Variants in KLRG1 observed in about 807,000 individuals in gnomAD.
KLRG1 encodes killer cell lectin like receptor G1, also known as killer cell lectin-like receptor subfamily G member 1.
In KLRG1, 16 loss-of-function variants were observed where a neutral mutation model predicts 21.8. That is an observed-to-expected ratio of 0.73 (90% confidence interval 0.50 to 1.11). The LOEUF is 1.11. Among genes scored for constraint, KLRG1 ranks in the 50% most tolerant of loss-of-function variants. The pLI is 0.00. For missense variants in KLRG1, 173 were observed against 218.3 expected, an observed-to-expected ratio of 0.79 and a Z score of 1.31; for synonymous variants, 69 against 75.9, an observed-to-expected ratio of 0.91 and a Z score of 0.47.
Position 9,009,677 on chromosome 12 carries a change from A to G in KLRG1, c.*140A>G. On this transcript the variant is annotated 3_prime_UTR_variant, in exon 5 of 5. Coordinates refer to ENST00000356986, the MANE Select transcript of KLRG1 (RefSeq NM_005810.4). Reference sequence around the variant, plus strand: ...TCAGATATGGCATTAGATGCAAGACAACCTCCTAGGGATTGATGCCTAACT... The same window carrying G: ...TCAGATATGGCATTAGATGCAAGACGACCTCCTAGGGATTGATGCCTAACT... 1 of 1,438,920 alleles carries G rather than the reference A, an allele frequency of 6.9e-7. No individual in the cohort carries two copies. Among genetic ancestry groups the G allele is most frequent in the South Asian group, 1.5e-5 (1 of 66,798 alleles). The allele number at this position is 1,438,920 out of a possible 1,614,324, so 89.1% of individuals were successfully genotyped here. A position where few individuals can be genotyped will look rare whatever the true frequency, so the allele number is the denominator to read the frequency against.
intron 3 of KLRG1, among the ~76,000 whole-genome samples, chr12:9,005,866 A>T (rs1469337800): frequency 1.3e-5 from 2 of 152,192 alleles, no homozygotes; most frequent in African/African-American, 4.8e-5. Context: ...ATGAGAATCC[A>T]ATGCCACCGC....
At chr12:9,017,372 A>G in the KLRG1 span, among the ~76,000 whole-genome samples, 1 of 152,086 alleles carries the variant, frequency 6.6e-6, no homozygotes, top group Admixed American at 6.6e-5. Context: ...CCTACAAAAT[A>G]TTGGCAAACT....
At chr12:9,008,867 T>C in intron 3 of KLRG1, 108 bp from the exon 4 acceptor site, 6 of 708,508 alleles carry the variant, frequency 8.5e-6, no homozygotes, top group Non-Finnish European at 1.4e-5. Flanking sequence ...AATGCTAGTT[T>C]GTCTTTTAAT....
At chr12:9,073,224 C>T in the KLRG1 span, among the ~76,000 whole-genome samples, 14 of 152,214 alleles carry the variant, frequency 9.2e-5, no homozygotes, top group Non-Finnish European at 1.8e-4. Context: ...ATGCTCATAT[C>T]TGCCACCACT....
chr12:9,152,916 C>T, the KLRG1 span: 5 of 1,614,112 alleles, frequency 3.1e-6, no homozygotes, highest in Non-Finnish European at 4.2e-6. Context: ...ATGGGGAGTC[C>T]TCTTTCTCTG....
At chr12:9,112,646 C>T in the KLRG1 span, 1 of 1,196,116 alleles carries the variant, frequency 8.4e-7, no homozygotes, top group Non-Finnish European at 1.2e-6. Flanking sequence ...TAACTTCACT[C>T]CCTTGTTCTC....
At chr12:8,953,160 A>G (rs947107399) in intron 1 of KLRG1, among the ~76,000 whole-genome samples, 1 of 152,058 alleles carries the variant, frequency 6.6e-6, no homozygotes, top group South Asian at 2.1e-4. Flanking sequence ...GAATGAGGAT[A>G]TGCTGACAAT....
the KLRG1 span, among the ~76,000 whole-genome samples, chr12:9,078,519 A>G: frequency 6.6e-6 from 1 of 152,186 alleles, no homozygotes; most frequent in East Asian, 1.9e-4. Context: ...ATGTGTCATT[A>G]TAGTAGAATG....
intron 1 of KLRG1, among the ~76,000 whole-genome samples, chr12:8,964,696 CT>C (rs1946436836): frequency 6.7e-6 from 1 of 150,096 alleles, no homozygotes; most frequent in Non-Finnish European, 1.5e-5. Flanking sequence ...TCACTAAGGA[CT>C]TGCTTTATGA....
At position 8,992,293 on chromosome 12, in the gene KLRG1, A is replaced by G; in HGVS notation, c.170A>G (p.Gln57Arg). The G allele has an allele frequency of 6.2e-6, 10 of 1,611,688 alleles. No individual in the cohort carries two copies. Among genetic ancestry groups the G allele is most frequent in the Non-Finnish European group, 8.5e-6 (10 of 1,179,088 alleles). ...GTTCTTCTGAGTGTGCTGCTATACC[A>G]GTGGATCCTGTGCCAGGGTAAGTGC... Reference protein sequence around the residue: ...TAVLLSVLLYQWILCQGSNYS... With the variant: ...TAVLLSVLLYRWILCQGSNYS... Residue 57 changes from glutamine to arginine, a missense_variant, in exon 2 of 5, where the codon CAG (glutamine) becomes CGG (arginine). Coordinates refer to ENST00000356986, the MANE Select transcript of KLRG1 (RefSeq NM_005810.4).
chr12:9,024,282 C>A, the KLRG1 span, among the ~76,000 whole-genome samples: 1 of 152,050 alleles, frequency 6.6e-6, no homozygotes, highest in South Asian at 2.1e-4. Context: ...CCACCTCAGC[C>A]TTCCAAGGTG....
the KLRG1 span, chr12:9,152,190 T>C: frequency 6.3e-6 from 9 of 1,439,976 alleles, no homozygotes; most frequent in South Asian, 2.3e-5. Flanking sequence ...TACTTTTGTA[T>C]GAAGTCTATT....
At chr12:9,108,614 C>T in the KLRG1 span, among the ~76,000 whole-genome samples, 2 of 152,182 alleles carry the variant, frequency 1.3e-5, no homozygotes, top group Admixed American at 1.3e-4. Context: ...AGGGGCCTAG[C>T]TGAATAGTAG....
chr12:9,164,216 T>G, the KLRG1 span: 4 of 1,611,928 alleles, frequency 2.5e-6, no homozygotes, highest in African/African-American at 5.3e-5. Flanking sequence ...CTTTGTATTT[T>G]GGGAAGCTAG....
At chr12:9,196,783 T>TG in the KLRG1 span, 1 of 1,079,632 alleles carries the variant, frequency 9.3e-7, no homozygotes, top group Non-Finnish European at 1.4e-6. Context: ...ACTTTTTTTT[T>TG]GCATTAAGTA....
the KLRG1 span, among the ~76,000 whole-genome samples, chr12:9,033,397 A>G: frequency 3.2e-4 from 49 of 152,192 alleles, no homozygotes; most frequent in African/African-American, 1.1e-3. Flanking sequence ...ATGGGCTACA[A>G]TCATACCACT....
intron 3 of KLRG1, among the ~76,000 whole-genome samples, chr12:9,001,640 G>A (rs1947311539): frequency 6.6e-6 from 1 of 152,180 alleles, no homozygotes; most frequent in Non-Finnish European, 1.5e-5. Flanking sequence ...TCCATCGTGA[G>A]TGTTGCTGCA....
the KLRG1 span, chr12:9,080,322 T>C: frequency 4.7e-6 from 2 of 427,600 alleles, no homozygotes; most frequent in Non-Finnish European, 8.4e-6. Flanking sequence ...CAGTAATATA[T>C]AAATATCTTA....
chr12:8,966,678 G>C (rs1434346149), intron 1 of KLRG1, among the ~76,000 whole-genome samples: 1 of 149,216 alleles, frequency 6.7e-6, no homozygotes, highest in Non-Finnish European at 1.5e-5. Context: ...TAAAAAGTCA[G>C]GAAACAACAG....
Sources: allele counts gnomAD v4.1 joint callset (sites outside exome capture counted in the v4.1 genomes callset), GRCh38; gene constraint gnomAD v4.1.1; transcripts MANE v1.5; gene names NCBI Gene and HGNC (gene_info 2026-07-23, HGNC 2026-07-21).